The following SLC9A9 variants were observed in gnomAD, a reference collection of about 807,000 sequenced individuals.
SLC9A9 encodes sodium/hydrogen exchanger 9.
A neutral mutation model predicts 77.8 loss-of-function variants in SLC9A9; 62 were observed. That is an observed-to-expected ratio of 0.80 (90% confidence interval 0.65 to 0.98). The LOEUF (loss-of-function observed/expected upper bound fraction) is 0.98, where lower values mean the gene tolerates loss of function less well. Ranked by LOEUF, SLC9A9 falls within the 50% of genes least tolerant of loss-of-function variation. The probability of loss-of-function intolerance (pLI) is 0.00; values close to 1 mark genes in which losing one functional copy is unlikely to be tolerated. For missense variants in SLC9A9, 775 were observed against 774.9 expected (o/e 1.00, Z 0.00); for synonymous variants, 320 against 283.5 (o/e 1.13, Z -1.29).
chr3:143,358,024 CCT>C (rs1491139919), intron 14 of SLC9A9, among the ~76,000 whole-genome samples: 2 of 102,704 alleles, frequency 1.9e-5, no homozygotes, highest in African/African-American at 1.0e-4. Flanking sequence ...GTTTTTCTTT[CCT>C]TTTTTTTTTT....
chr3:143,691,720 T>G (rs1488384185), intron 5 of SLC9A9, among the ~76,000 whole-genome samples: 1 of 152,100 alleles, frequency 6.6e-6, no homozygotes, highest in Non-Finnish European at 1.5e-5. Context: ...TATTCCCACT[T>G]CCTGACAGCA....
chr3:143,772,009 G>A (rs914390412), intron 4 of SLC9A9, among the ~76,000 whole-genome samples: 1 of 145,132 alleles, frequency 6.9e-6, no homozygotes, highest in African/African-American at 2.6e-5. Flanking sequence ...GACAGCCTCA[G>A]AGCATCCCCA....
At chr3:143,668,031 C>T (rs914449473) in intron 5 of SLC9A9, among the ~76,000 whole-genome samples, 1 of 152,116 alleles carries the variant, frequency 6.6e-6, no homozygotes, top group Non-Finnish European at 1.5e-5. Flanking sequence ...GACACATGCA[C>T]ACGTATGTTT....
At chr3:143,580,913 G>C (rs2037440364) in intron 6 of SLC9A9, among the ~76,000 whole-genome samples, 2 of 152,206 alleles carry the variant, frequency 1.3e-5, no homozygotes, top group South Asian at 4.1e-4. Context: ...ATATTTAATA[G>C]GTATAGGAAG....
chr3:143,748,692 C>CTTTTTTTT (rs35698779), intron 4 of SLC9A9, among the ~76,000 whole-genome samples: 3 of 106,024 alleles, frequency 2.8e-5, no homozygotes, highest in Admixed American at 1.0e-4. Flanking sequence ...TTTGACCAAG[C>CTTTTTTTT]TTTTTTTTTT....
In SLC9A9 at chr3:143,846,276, G is replaced by A. The variant is rs185849160; in HGVS notation, c.175+1872C>T. On this transcript the variant is annotated intron_variant, in intron 1 of 15. Transcript: ENST00000316549. ...AAATCTTTCCCTCTAATAAAGGTTG[G>A]CAATCTATTAAATCTGGGTAGTTTT... Among the ~76,000 whole-genome samples the A allele has an allele frequency of 1.1e-3, 168 of 152,300 alleles. 1 individual carries two copies. The highest frequency in any genetic ancestry group is 3.4e-3 in the Middle Eastern group (1 of 294).
Position 143,493,742 on chromosome 3 carries a change from G to T in SLC9A9, c.1226C>A (p.Ala409Asp), listed in dbSNP as rs765355968. The stretch of plus-strand genomic sequence containing the variant: ...GAAGGAGAGGGGATATATGTTGCAG[G>T]CTCTGGCAACAAAAATTGCTAGCTG... ...GAFLAIFVAR[A>D]CNIYPLSFLL... Residue 409 changes from alanine to aspartate, a missense_variant, in exon 11 of 16, where the codon GCC (alanine) becomes GAC (aspartate). Coordinates refer to ENST00000316549, the MANE Select transcript of SLC9A9 (RefSeq NM_173653.4). 6 of 1,613,858 alleles carry T rather than the reference G, an allele frequency of 3.7e-6. No homozygotes were observed. The East Asian group carries it at 1.3e-4, about 36-fold the overall frequency.
At chr3:143,551,676 T>C (rs1471201837) in intron 9 of SLC9A9, among the ~76,000 whole-genome samples, 2 of 152,244 alleles carry the variant, frequency 1.3e-5, no homozygotes, top group South Asian at 2.1e-4. Flanking sequence ...TTATGCACAC[T>C]ATAGACGTAT....
intron 13 of SLC9A9, among the ~76,000 whole-genome samples, chr3:143,378,856 G>T (rs1043380914): frequency 6.6e-6 from 1 of 152,108 alleles, no homozygotes; most frequent in Admixed American, 6.6e-5. Flanking sequence ...TAAAGCTTTT[G>T]TGCCTGGTAC....
intron 14 of SLC9A9, among the ~76,000 whole-genome samples, chr3:143,308,808 T>C (rs1048932494): frequency 1.3e-5 from 2 of 152,092 alleles, no homozygotes; most frequent in African/African-American, 4.8e-5. Flanking sequence ...GTGGTGGGGA[T>C]TATTTCTGAG....
In SLC9A9 at chr3:143,539,206, A is replaced by G. The variant is rs147442385; in HGVS notation, c.1089+13156T>C. On this transcript the variant is annotated intron_variant, in intron 9 of 15. Transcript: ENST00000316549. ...TCCTTTTTCAATGTAACCCAGAGCAATTGTATTAAGTGACTCTCCTAAAAC... is the reference window on the plus strand; with the variant it reads ...TCCTTTTTCAATGTAACCCAGAGCAGTTGTATTAAGTGACTCTCCTAAAAC... Among the ~76,000 whole-genome samples the G allele has an allele frequency of 2.0e-5, 3 of 152,292 alleles. No homozygotes were observed. The East Asian group carries it at 5.8e-4, about 29-fold the overall frequency.
chr3:143,785,845 C>A, intron 4 of SLC9A9, among the ~76,000 whole-genome samples: 1 of 113,006 alleles, frequency 8.8e-6, no homozygotes, highest in South Asian at 2.7e-4. Flanking sequence ...TTGAATTTTT[C>A]TTTTTTTTTT....
chr3:143,551,889 C>A (rs2036893544), intron 9 of SLC9A9, among the ~76,000 whole-genome samples: 3 of 152,186 alleles, frequency 2.0e-5, no homozygotes, highest in South Asian at 4.1e-4. Flanking sequence ...GTGGAAATAT[C>A]CAAACAGATG....
chr3:143,566,987 A>G (rs1354715176), intron 8 of SLC9A9, among the ~76,000 whole-genome samples: 1 of 152,182 alleles, frequency 6.6e-6, no homozygotes, highest in Non-Finnish European at 1.5e-5. Context: ...GAGATATGCT[A>G]TAAATAATAC....
At chr3:143,350,315 C>T (rs1488950523) in intron 14 of SLC9A9, among the ~76,000 whole-genome samples, 1 of 152,170 alleles carries the variant, frequency 6.6e-6, no homozygotes, top group Non-Finnish European at 1.5e-5. Flanking sequence ...ATTGAGGCCC[C>T]CGTGACTTCT....
At chr3:143,741,118 A>G (rs1026689654) in intron 4 of SLC9A9, among the ~76,000 whole-genome samples, 3 of 152,208 alleles carry the variant, frequency 2.0e-5, no homozygotes, top group African/African-American at 7.2e-5. Context: ...GAGAGGGTCT[A>G]AAAGAAACCA....
At chr3:143,560,993 C>T (rs2037075025) in intron 8 of SLC9A9, among the ~76,000 whole-genome samples, 1 of 152,088 alleles carries the variant, frequency 6.6e-6, no homozygotes, top group Non-Finnish European at 1.5e-5. Flanking sequence ...CCAGCCTGGT[C>T]AAAATGGCAA....
chr3:143,632,384 G>T (rs1397497571), intron 6 of SLC9A9, among the ~76,000 whole-genome samples: 4 of 151,972 alleles, frequency 2.6e-5, no homozygotes, highest in Non-Finnish European at 5.9e-5. Context: ...TAAGCCTGGG[G>T]GTCACAACTG....
In SLC9A9 at chr3:143,832,277, A is replaced by G. The variant is rs1012027538; in HGVS notation, c.176-56T>C. 75 of 1,448,352 alleles carry G rather than the reference A, an allele frequency of 5.2e-5. 2 individuals carry two copies. In the East Asian group the frequency reaches 8.9e-4, roughly 17 times the overall value. 89.7% of individuals were successfully genotyped at this position (1,448,352 alleles called of 1,614,324 possible). ...GAGGAAGGCAATCTAAAATGCCACT[A>G]TTGGAAACCTATATGATTTGGAACC... On this transcript the variant is annotated intron_variant, in intron 1 of 15. Transcript: ENST00000316549.
Sources: gnomAD v4.1 joint callset for allele counts (sites outside exome capture counted in the v4.1 genomes callset) on GRCh38, gnomAD v4.1.1 for gene constraint, MANE v1.5 for transcripts, NCBI Gene and HGNC (gene_info 2026-07-23, HGNC 2026-07-21) for gene names.